Variants in CIZ1 observed in about 807,000 individuals in gnomAD.
CIZ1 encodes the protein CDKN1A interacting zinc finger protein 1, also known as cip1-interacting zinc finger protein.
Under a neutral mutation model 118.6 loss-of-function variants are expected in CIZ1, and 58 were observed. The observed-to-expected ratio is 0.49, with a 90% CI of 0.40 to 0.61. CIZ1 has a LOEUF of 0.61. CIZ1 is among the 20% of genes least tolerant of loss of function. The probability of loss-of-function intolerance (pLI) is 0.00; values close to 1 mark genes in which losing one functional copy is unlikely to be tolerated. For missense variants in CIZ1, 921 were observed against 1,115.9 expected (o/e 0.83, Z 2.49); for synonymous variants, 448 against 443.4 (o/e 1.01, Z -0.13).
intron 5 of CIZ1, among the ~76,000 whole-genome samples, chr9:128,183,748 TTTTG>T (rs45518031): frequency 0.62 from 93,011 of 150,838 alleles, 29,474 homozygotes; most frequent in East Asian, 0.94. Flanking sequence ...TTTCCTATAC[TTTTG>T]TTTGTTTGTT....
Position 128,191,363 on chromosome 9 carries a change from C to T in CIZ1, c.-6+69G>A. On this transcript the variant is annotated intron_variant, in intron 1 of 16. Coordinates refer to ENST00000372938, the MANE Select transcript of CIZ1 (RefSeq NM_001131016.2). The surrounding 1 kb of genome is among the most constrained non-coding windows in gnomAD (Gnocchi z 5.5). The stretch of plus-strand genomic sequence containing the variant: ...ACTCCGCCCGCTCCCACCCCGCCAG[C>T]CGCCTCCTCCGCAGACACAGCCAGC... 3 of 596,158 alleles carry T rather than the reference C, an allele frequency of 5.0e-6. No homozygotes were observed. The highest frequency in any genetic ancestry group is 1.3e-4 in the East Asian group (1 of 7,484). The allele number at this position is 596,158 out of a possible 1,614,324, so 36.9% of individuals were successfully genotyped here.
Position 128,178,940 on chromosome 9 carries a change from G to C in CIZ1, c.1267C>G (p.Leu423Val), listed in dbSNP as rs371638864. The C allele has an allele frequency of 1.9e-6, 3 of 1,614,064 alleles. No homozygotes were observed. The highest frequency in any genetic ancestry group is 1.3e-5 in the African/African-American group (1 of 74,916). The change falls in exon 8 of 17, where the codon CTG (leucine) becomes GTG (valine). Residue 423 changes from leucine to valine, a missense_variant. Physicochemically the swap from Leu to Val is conservative, Grantham distance 32. Coordinates refer to ENST00000372938, the MANE Select transcript of CIZ1 (RefSeq NM_001131016.2). ...SQPPRQVQLQ[L>V]QKQVQTQTYP... The stretch of plus-strand genomic sequence containing the variant: ...GTCTGTGTCTGGACCTGCTTCTGCA[G>C]CTGCAGCTGCACCTGCCTTGGGGGC...
rs1302066604 is a variant in CIZ1, at chr9:128,177,720, C to T, written c.1664G>A (p.Ser555Asn). Residue 555 changes from serine to asparagine, a missense_variant, in exon 10 of 17, where the codon AGC (serine) becomes AAC (asparagine). Transcript: ENST00000372938. ...GGSLKVTILQ[S>N]SDSRAFSTVP... ...AGTGCTAAAGGCCCGGCTGTCACTG[C>T]TCTGCAGAATGGTGACCTTCAGGGA... is the stretch of plus-strand genomic sequence containing the variant. 1 of 1,607,724 alleles carries T rather than the reference C, an allele frequency of 6.2e-7. No individual in the cohort carries two copies. Among genetic ancestry groups the T allele is most frequent in the Non-Finnish European group, 8.5e-7 (1 of 1,177,240 alleles).
chr9:128,178,614 C>A (rs1831168679), intron 8 of CIZ1, 95 bp downstream of exon 8: 1 of 1,580,840 alleles, frequency 6.3e-7, no homozygotes, highest in African/African-American at 1.4e-5. Context: ...CAGGCCTAGC[C>A]CTCAGTCCCA....
rs1833148645 is a variant in CIZ1 at position 128,191,508 on chromosome 9, G to T, written c.-82C>A. 1 of 1,003,208 alleles carries T rather than the reference G, an allele frequency of 1.0e-6. No individual in the cohort carries two copies. The highest frequency in any genetic ancestry group is 4.6e-5 in the South Asian group (1 of 21,722). 62.1% of individuals were successfully genotyped at this position (1,003,208 alleles called of 1,614,324 possible). A position where few individuals can be genotyped will look rare whatever the true frequency, so the allele number is the denominator to read the frequency against. ...GCCCCGCAGCCCCCACGCCTCGGCC[G>T]GGCGGCTCCGGCCCGCGGGCTCCCG... On this transcript the variant is annotated 5_prime_UTR_variant, in exon 1 of 17. Coordinates refer to ENST00000372938, the MANE Select transcript of CIZ1 (RefSeq NM_001131016.2). This position sits in a 1 kb window ranked among gnomAD's most constrained non-coding sequence, Gnocchi z 5.5.
Position 128,177,749 on chromosome 9 carries a change from C to T in CIZ1, c.1635G>A (p.Gly545=), listed in dbSNP as rs763627376. The change falls in exon 10 of 17, where the codon GGG becomes GGA. Residue 545 remains glycine (G), a synonymous_variant. Transcript: ENST00000372938. ...GCAGAATGGTGACCTTCAGGGAGCC[C>T]CCGGCGCCCCATACCTGCATGGGGA... is the stretch of plus-strand genomic sequence containing the variant. The part of the protein sequence containing the change: ...AREMPGVWGA[G]GSLKVTILQS... The T allele has an allele frequency of 1.1e-5, 18 of 1,598,614 alleles. No individual in the cohort carries two copies. In the South Asian group the frequency reaches 1.6e-4, roughly 14 times the overall value.
chr9:128,187,021 C>T (rs189386148), intron 4 of CIZ1, among the ~76,000 whole-genome samples: 1 of 150,948 alleles, frequency 6.6e-6, no homozygotes, highest in Admixed American at 6.6e-5. Context: ...CTCACTGCAA[C>T]CTCTGCCTCC....
Position 128,203,458 on chromosome 9 carries a change from G to T in CIZ1, c.-6+728C>A, listed in dbSNP as rs928532911. 3 of 1,468,988 alleles carry T rather than the reference G, an allele frequency of 2.0e-6. No homozygotes were observed. The highest frequency in any genetic ancestry group is 2.6e-5 in the South Asian group (2 of 77,380). 91.0% of individuals were successfully genotyped at this position (1,468,988 alleles called of 1,614,324 possible). ...CGGCAGCCGGATCGCAGCCTGCGGG[G>T]CCCGCCGCAGCCATGGGCAACCGCG... is the stretch of plus-strand genomic sequence containing the variant. On this transcript the variant is annotated intron_variant, in intron 1 of 17. Coordinates refer to the CIZ1 transcript ENST00000372948. The surrounding 1 kb of genome is among the most constrained non-coding windows in gnomAD (Gnocchi z 5.3).
chr9:128,169,869 A>T, intron 12 of CIZ1, 151 bp downstream of exon 12: 1 of 987,464 alleles, frequency 1.0e-6, no homozygotes, highest in Admixed American at 2.3e-5. Flanking sequence ...CCGAAGAAGA[A>T]ACAAGACTGA....
intron 8 of CIZ1, 101 bp from the exon 9 acceptor site, chr9:128,178,591 T>C (rs1831165706): frequency 1.9e-6 from 3 of 1,590,506 alleles, no homozygotes. Context: ...TGGATGGCCC[T>C]GGACCTGGGT....
At chr9:128,171,484 T>C (rs1451014347) in intron 11 of CIZ1, among the ~76,000 whole-genome samples, 1 of 151,650 alleles carries the variant, frequency 6.6e-6, no homozygotes, top group African/African-American at 2.4e-5. Flanking sequence ...TCCCAGCACT[T>C]TGGGAGGCCA....
At position 128,172,090 on chromosome 9, in the gene CIZ1, T is replaced by C. The variant is rs79781253; in HGVS notation, c.1944-1983A>G. Among the ~76,000 whole-genome samples the C allele has an allele frequency of 1.3e-3, 171 of 133,510 alleles. 2 individuals carry two copies. The highest frequency in any genetic ancestry group is 4.5e-3 in the African/African-American group (161 of 35,702). 87.6% of individuals were successfully genotyped at this position (133,510 alleles called of 152,430 possible). ...TGAGCTCAGGAGTTCTGAGGCTGCA[T>C]TGAGCTGTGATCACACCACTACGCT... On this transcript the variant is annotated intron_variant, in intron 11 of 16. Transcript: ENST00000372938.
At chr9:128,172,851 GA>G (rs977429056) in intron 11 of CIZ1, among the ~76,000 whole-genome samples, 1 of 151,636 alleles carries the variant, frequency 6.6e-6, no homozygotes, top group Non-Finnish European at 1.5e-5. Flanking sequence ...TTTAAAATCA[GA>G]AAAAAAAATT....
At chr9:128,168,200 A>G (rs1829675333) in intron 14 of CIZ1, among the ~76,000 whole-genome samples, 2 of 151,792 alleles carry the variant, frequency 1.3e-5, no homozygotes, top group African/African-American at 2.4e-5. Context: ...CCTAGAACAC[A>G]CTCTCTGGAA....
chr9:128,177,382 C>T (rs1017253992), intron 10 of CIZ1, among the ~76,000 whole-genome samples, 184 bp downstream of exon 10: 1 of 152,172 alleles, frequency 6.6e-6, no homozygotes, highest in African/African-American at 2.4e-5. Context: ...GAGTAAGACC[C>T]TGTCTCAAAA....
At chr9:128,177,866 G>T in intron 9 of CIZ1, 103 bp from the exon 10 acceptor site, 1 of 819,754 alleles carries the variant, frequency 1.2e-6, no homozygotes, top group South Asian at 2.1e-5. Context: ...TCTTCCTGAT[G>T]ATAGGGAAAC....
Position 128,203,611 on chromosome 9 carries a change from G to T in CIZ1, c.-6+575C>A, listed in dbSNP as rs1269297218. ...GCCAGAGCGCCGGCAAGAGCTCGGT[G>T]CTCGAGAATTTCGTAGGCAGGTAGG... On this transcript the variant is annotated intron_variant, in intron 1 of 17. Coordinates refer to the CIZ1 transcript ENST00000372948. This position sits in a 1 kb window ranked among gnomAD's most constrained non-coding sequence, Gnocchi z 5.3. 6 of 1,542,448 alleles carry T rather than the reference G, an allele frequency of 3.9e-6. No individual in the cohort carries two copies. The highest frequency in any genetic ancestry group is 1.9e-5 in the Admixed American group (1 of 51,418).
intron 3 of CIZ1, among the ~76,000 whole-genome samples, chr9:128,189,815 AC>A (rs1359474337): frequency 7.4e-6 from 1 of 134,930 alleles, no homozygotes; most frequent in African/African-American, 2.9e-5. Flanking sequence ...ACAGAGCAAA[AC>A]TCTGTCTCAA....
At chr9:128,173,858 T>C (rs1225930986) in intron 11 of CIZ1, among the ~76,000 whole-genome samples, 1 of 151,774 alleles carries the variant, frequency 6.6e-6, no homozygotes, top group East Asian at 1.9e-4. Flanking sequence ...TACAAAAAAT[T>C]AGCCGGGCCT....
Sources: gnomAD v4.1 joint callset for allele counts (sites outside exome capture counted in the v4.1 genomes callset) on GRCh38, gnomAD v4.1.1 for gene constraint, Gnocchi (gnomAD v3.1) non-coding constraint, MANE v1.5 for transcripts, NCBI Gene and HGNC (gene_info 2026-07-23, HGNC 2026-07-21) for gene names.